MGAT4C: variants seen among roughly 807,000 people sequenced by gnomAD.
MGAT4C encodes the protein MGAT4 family member C.
In MGAT4C, 19 loss-of-function variants were observed where a neutral mutation model predicts 40.1. That is an observed-to-expected ratio of 0.47 (90% confidence interval 0.33 to 0.70). MGAT4C has a LOEUF of 0.70. MGAT4C is among the 30% of genes least tolerant of loss of function. The pLI, the probability that MGAT4C is intolerant of heterozygous loss-of-function variation, is 0.02. For synonymous variants in MGAT4C, 181 were observed against 187.1 expected, an observed-to-expected ratio of 0.97 and a Z score of 0.27; for missense variants, 491 against 563.2, an observed-to-expected ratio of 0.87 and a Z score of 1.30.
At chr12:86,714,677 T>C (rs1950614082) in intron 2 of MGAT4C, among the ~76,000 whole-genome samples, 1 of 151,962 alleles carries the variant, frequency 6.6e-6, no homozygotes, top group African/African-American at 2.4e-5. Flanking sequence ...ATTAAACCTC[T>C]TTTTCTTTAT....
intron 1 of MGAT4C, among the ~76,000 whole-genome samples, chr12:86,121,362 C>G (rs974190347): frequency 2.0e-4 from 30 of 152,230 alleles, no homozygotes; most frequent in South Asian, 8.3e-4. Flanking sequence ...CCTAGCAAGG[C>G]AGGCCAACAT....
intron 1 of MGAT4C, among the ~76,000 whole-genome samples, chr12:86,801,854 T>A (rs1270935045): frequency 7.8e-6 from 1 of 128,260 alleles, no homozygotes; most frequent in African/African-American, 2.5e-5. Flanking sequence ...TAATACAAAA[T>A]GTTAAGGGAA....
intron 2 of MGAT4C, among the ~76,000 whole-genome samples, chr12:86,700,106 T>TA (rs1565934063): frequency 2.4e-4 from 35 of 143,620 alleles, no homozygotes; most frequent in Middle Eastern, 7.4e-3. Flanking sequence ...GATAGATAGA[T>TA]GATAGATAGG....
At chr12:86,094,976 G>A (rs1393862645) in intron 1 of MGAT4C, among the ~76,000 whole-genome samples, 8 of 152,138 alleles carry the variant, frequency 5.3e-5, no homozygotes, top group African/African-American at 1.9e-4. Context: ...AGCTGTGGTG[G>A]CAGAGAATGT....
At chr12:86,604,202 A>G (rs1338016598) in intron 2 of MGAT4C, among the ~76,000 whole-genome samples, 8 of 152,126 alleles carry the variant, frequency 5.3e-5, no homozygotes, top group Non-Finnish European at 5.9e-5. Context: ...AATGGCAGCT[A>G]AAGAAACTGC....
Position 86,471,148 on chromosome 12 carries a change from C to A in MGAT4C, c.-228-35883G>T, listed in dbSNP as rs112251414. ...TTTTAGGCTAGAGGGAAATAACTAA[C>A]ACCAGGGGGAAATATGAACCTTCAG... On this transcript the variant is annotated intron_variant, in intron 2 of 7. Coordinates refer to the MGAT4C transcript ENST00000548651. 3.3e-3 allele frequency among the ~76,000 whole-genome samples: 499 copies of A among 152,040 alleles called. 2 individuals carry two copies. The highest frequency in any genetic ancestry group is 0.012 in the African/African-American group (482 of 41,510).
At chr12:86,019,643 C>A (rs148161659) in intron 2 of MGAT4C, among the ~76,000 whole-genome samples, 3 of 152,234 alleles carry the variant, frequency 2.0e-5, no homozygotes, top group African/African-American at 7.2e-5. Flanking sequence ...CAGCCTTGTT[C>A]TTTTGGCTTA....
At chr12:86,175,593 A>C (rs1214193157) in intron 1 of MGAT4C, among the ~76,000 whole-genome samples, 1 of 152,066 alleles carries the variant, frequency 6.6e-6, no homozygotes, top group Admixed American at 6.6e-5. Flanking sequence ...TGGCTTTGTA[A>C]TGTCAAACGT....
At chr12:86,383,549 CAAAAAAAAAAAAA>C (rs1159593477) in intron 3 of MGAT4C, among the ~76,000 whole-genome samples, 5 of 49,862 alleles carry the variant, frequency 1.0e-4, no homozygotes, top group Non-Finnish European at 1.6e-4. Context: ...CACTTCGTCT[CAAAAAAAAAAAAA>C]AAAAAAAAAA....
In MGAT4C at chr12:86,637,310, G is replaced by A. The variant is rs369959725; in HGVS notation, c.-229+89899C>T. ...TTCATTTTATATATTCAGGTACTCT[G>A]AGTTGCATATCTTTTTCACAACTTT... On this transcript the variant is annotated intron_variant, in intron 2 of 7. Transcript: ENST00000548651. 4.6e-5 allele frequency among the ~76,000 whole-genome samples: 7 copies of A among 151,908 alleles called. No homozygotes were observed. The South Asian group carries it at 1.2e-3, about 27-fold the overall frequency.
chr12:86,262,718 T>C (rs1952685902), intron 4 of MGAT4C, among the ~76,000 whole-genome samples: 1 of 152,076 alleles, frequency 6.6e-6, no homozygotes, highest in South Asian at 2.1e-4. Flanking sequence ...TGGCATGAAA[T>C]TGGAATTTAT....
intron 1 of MGAT4C, among the ~76,000 whole-genome samples, chr12:86,226,898 G>A (rs147377115): frequency 1.8e-4 from 28 of 151,966 alleles, no homozygotes; most frequent in African/African-American, 6.3e-4. Flanking sequence ...ACTCCTACTA[G>A]TGCTCTCTTT....
rs190046872 is a variant in MGAT4C, at chr12:86,681,634, C to T, written c.-229+45575G>A. Among the ~76,000 whole-genome samples, 1,311 of 151,918 alleles carry T rather than the reference C, an allele frequency of 8.6e-3. 7 individuals are homozygous for T. The highest frequency in any genetic ancestry group is 0.017 in the Middle Eastern group (5 of 294). On this transcript the variant is annotated intron_variant, in intron 2 of 7. Transcript: ENST00000548651. ...TAAAGAAATCTATATCCTAATGATA[C>T]AAGCAAAGAAATTAGCAATTATCAT...
intron 4 of MGAT4C, among the ~76,000 whole-genome samples, chr12:86,324,401 G>A (rs114437794): frequency 0.02 from 2,964 of 151,036 alleles, 87 homozygotes; most frequent in African/African-American, 0.067. Context: ...TGTGCATTTT[G>A]GTTACTTATT....
At chr12:86,397,428 C>T (rs1218703779) in intron 3 of MGAT4C, among the ~76,000 whole-genome samples, 1 of 152,034 alleles carries the variant, frequency 6.6e-6, no homozygotes, top group African/African-American at 2.4e-5. Context: ...TCTAGGTAGG[C>T]TTTTGCCTCA....
chr12:85,994,719 C>A (rs755251368), intron 2 of MGAT4C, among the ~76,000 whole-genome samples: 4 of 152,028 alleles, frequency 2.6e-5, no homozygotes. Context: ...AACAAAATAG[C>A]TGATTTCAAG....
At chr12:86,428,063 C>T (rs1592835105) in intron 3 of MGAT4C, among the ~76,000 whole-genome samples, 1 of 150,264 alleles carries the variant, frequency 6.7e-6, no homozygotes, top group South Asian at 2.1e-4. Context: ...ACCACAACAA[C>T]AAAAAAACCC....
At chr12:86,790,693 G>C (rs1007129774) in intron 1 of MGAT4C, among the ~76,000 whole-genome samples, 4 of 151,986 alleles carry the variant, frequency 2.6e-5, no homozygotes, top group African/African-American at 7.2e-5. Flanking sequence ...CTAAGCCACA[G>C]AGAAATAGAA....
At chr12:86,672,354 C>T (rs1436223358) in intron 2 of MGAT4C, among the ~76,000 whole-genome samples, 1 of 151,838 alleles carries the variant, frequency 6.6e-6, no homozygotes, top group Non-Finnish European at 1.5e-5. Flanking sequence ...TAATAAAAAC[C>T]CTAACAATGC....
Sources: allele counts gnomAD v4.1 joint callset (sites outside exome capture counted in the v4.1 genomes callset), GRCh38; gene constraint gnomAD v4.1.1; transcripts MANE v1.5; gene names NCBI Gene and HGNC (gene_info 2026-07-23, HGNC 2026-07-21).